Variants in RBFOX1 observed in about 807,000 individuals in gnomAD.
RBFOX1 encodes the protein RNA binding protein fox-1 homolog 1.
RBFOX1 carries 8 observed loss-of-function variants against 57.7 expected under a neutral mutation model. The ratio of observed to expected loss-of-function variants is 0.14; its 90% CI spans 0.08 to 0.25. The LOEUF is 0.25. RBFOX1 is among the 10% of genes least tolerant of loss of function. RBFOX1 has a pLI of 1.00. For synonymous variants in RBFOX1, 326 were observed against 222.4 expected (o/e 1.47, Z -4.15); for missense variants, 611 against 548.5 (o/e 1.11, Z -1.14).
At chr16:7,543,411 C>T (rs1161046570) in intron 5 of RBFOX1, among the ~76,000 whole-genome samples, 1 of 152,150 alleles carries the variant, frequency 6.6e-6, no homozygotes, top group Non-Finnish European at 1.5e-5. Flanking sequence ...ATGCCAGCAG[C>T]TATCACTGCC....
In RBFOX1 at chr16:5,556,961, C is replaced by G. The variant is rs563665106; in HGVS notation, c.259-41941C>G. Among the ~76,000 whole-genome samples the G allele has an allele frequency of 1.4e-4, 22 of 152,232 alleles. No homozygotes were observed. The East Asian group carries it at 4.1e-3, about 28-fold the overall frequency. On this transcript the variant is annotated intron_variant, in intron 2 of 2. Coordinates refer to the RBFOX1 transcript ENST00000585867. ...TAGAATTTCCTCATGTTAATTTGAA[C>G]TTTTAAAATTCTCTGGGACTGAACT... is the stretch of plus-strand genomic sequence containing the variant.
intron 5 of RBFOX1, among the ~76,000 whole-genome samples, chr16:7,518,920 G>C (rs569597315): frequency 1.3e-5 from 2 of 152,288 alleles, no homozygotes; most frequent in Non-Finnish European, 2.9e-5. Flanking sequence ...CTACTTGGGA[G>C]ACTGAGGTGG....
At chr16:7,069,319 G>T (rs553787670) in intron 4 of RBFOX1, among the ~76,000 whole-genome samples, 12 of 152,178 alleles carry the variant, frequency 7.9e-5, no homozygotes, top group Admixed American at 5.9e-4. Context: ...AGCCCTGCGT[G>T]CATTAGCTGT....
rs544218216 is a variant in RBFOX1 at position 7,473,665 on chromosome 16, A to T, written c.28-44482A>T. 5.9e-5 allele frequency among the ~76,000 whole-genome samples: 9 copies of T among 152,068 alleles called. No individual in the cohort carries two copies. The South Asian group carries it at 1.9e-3, about 32-fold the overall frequency. ...TGTTGTGCTTTATATGGCTAAATTT[A>T]ATGGTTAAAAAAGAAAGAGAGAGAA... On this transcript the variant is annotated intron_variant, in intron 4 of 15. Coordinates refer to ENST00000550418, the MANE Select transcript of RBFOX1 (RefSeq NM_018723.4).
intron 3 of RBFOX1, among the ~76,000 whole-genome samples, chr16:5,705,854 A>T (rs1226562411): frequency 6.6e-6 from 1 of 152,236 alleles, no homozygotes; most frequent in African/African-American, 2.4e-5. Context: ...TTCAGTGGAA[A>T]CAAAATAGGT....
intron 4 of RBFOX1, among the ~76,000 whole-genome samples, chr16:7,404,917 A>G (rs1256631570): frequency 6.6e-6 from 1 of 152,116 alleles, no homozygotes; most frequent in Non-Finnish European, 1.5e-5. Context: ...ATTTCCAGTG[A>G]GTAGATATGT....
intron 3 of RBFOX1, among the ~76,000 whole-genome samples, chr16:5,720,714 C>T (rs2051899273): frequency 6.6e-6 from 1 of 152,126 alleles, no homozygotes; most frequent in African/African-American, 2.4e-5. Context: ...GCCCTTTATG[C>T]CCTCGTCAAA....
At chr16:6,575,428 G>A (rs1432847165) in intron 2 of RBFOX1, among the ~76,000 whole-genome samples, 1 of 152,158 alleles carries the variant, frequency 6.6e-6, no homozygotes, top group African/African-American at 2.4e-5. Context: ...ACCATGAGCT[G>A]ATTGATACAA....
intron 1 of RBFOX1, among the ~76,000 whole-genome samples, chr16:6,135,819 C>T (rs1340260123): frequency 8.8e-6 from 1 of 114,076 alleles, no homozygotes; most frequent in Non-Finnish European, 1.7e-5. Flanking sequence ...TTTTGAGACA[C>T]AGTCTTGCTC....
intron 3 of RBFOX1, among the ~76,000 whole-genome samples, chr16:6,960,815 C>G (rs12923923): frequency 3.3e-5 from 5 of 151,428 alleles, no homozygotes; most frequent in Non-Finnish European, 7.4e-5. Context: ...GGTTGGGTAC[C>G]TGACCCAAAC....
At chr16:5,793,941 C>G (rs2054791118) in intron 3 of RBFOX1, among the ~76,000 whole-genome samples, 3 of 152,156 alleles carry the variant, frequency 2.0e-5, no homozygotes, top group Non-Finnish European at 2.9e-5. Context: ...GCTCTCTGTG[C>G]TTCATTTTTT....
At chr16:5,670,078 C>T (rs893103548) in intron 3 of RBFOX1, among the ~76,000 whole-genome samples, 19 of 151,946 alleles carry the variant, frequency 1.3e-4, no homozygotes, top group African/African-American at 4.1e-4. Flanking sequence ...GGAAGCCAGA[C>T]ACAAAAGGTC....
intron 2 of RBFOX1, among the ~76,000 whole-genome samples, chr16:6,421,563 G>T (rs2093771895): frequency 6.6e-6 from 1 of 152,156 alleles, no homozygotes; most frequent in African/African-American, 2.4e-5. Flanking sequence ...TGAGCATGGA[G>T]GTGGCTCAAA....
intron 3 of RBFOX1, among the ~76,000 whole-genome samples, chr16:6,802,302 A>C (rs1304831216): frequency 1.3e-5 from 2 of 152,134 alleles, no homozygotes; most frequent in African/African-American, 4.8e-5. Flanking sequence ...GATTTGCCAC[A>C]CAGGGTCCTG....
At chr16:6,532,578 G>A (rs2096673828) in intron 2 of RBFOX1, among the ~76,000 whole-genome samples, 1 of 152,104 alleles carries the variant, frequency 6.6e-6, no homozygotes, top group Non-Finnish European at 1.5e-5. Context: ...CCCCTTCATG[G>A]AGATCATTCC....
chr16:7,657,690 G>A (rs539501610), intron 12 of RBFOX1, among the ~76,000 whole-genome samples: 48 of 152,294 alleles, frequency 3.2e-4, no homozygotes, highest in African/African-American at 8.7e-4. Context: ...GAAGAACATC[G>A]GTTATGAAGA....
chr16:7,163,019 C>G lies in RBFOX1; in HGVS notation c.27+110921C>G, dbSNP rs566721866. Among the ~76,000 whole-genome samples, 4 of 152,282 alleles carry G rather than the reference C, an allele frequency of 2.6e-5. No individual in the cohort carries two copies. The East Asian group carries it at 5.8e-4, about 22-fold the overall frequency. On this transcript the variant is annotated intron_variant, in intron 4 of 15. Coordinates refer to ENST00000550418, the MANE Select transcript of RBFOX1 (RefSeq NM_018723.4). Reference sequence around the variant, plus strand: ...TTACATTGCATATAAATGCAGACTTCTTTGTATGATGTCTAAGGTCACAGA... The same window carrying G: ...TTACATTGCATATAAATGCAGACTTGTTTGTATGATGTCTAAGGTCACAGA...
At chr16:5,988,755 A>G (rs1254805861) in intron 4 of RBFOX1, among the ~76,000 whole-genome samples, 1 of 152,134 alleles carries the variant, frequency 6.6e-6, no homozygotes, top group East Asian at 1.9e-4. Flanking sequence ...AGTGATTCAG[A>G]GAGATTTTCT....
At chr16:6,021,302 CT>C (rs1331898667) in intron 1 of RBFOX1, among the ~76,000 whole-genome samples, 2 of 152,184 alleles carry the variant, frequency 1.3e-5, no homozygotes, top group Non-Finnish European at 2.9e-5. Flanking sequence ...TCCCTGCCCC[CT>C]GTCCTAGTTC....
Sources: allele counts gnomAD v4.1 joint callset (sites outside exome capture counted in the v4.1 genomes callset), GRCh38; gene constraint gnomAD v4.1.1; transcripts MANE v1.5; gene names NCBI Gene and HGNC (gene_info 2026-07-23, HGNC 2026-07-21).